Variants in PHACTR3 observed in about 807,000 individuals in gnomAD.
PHACTR3 encodes protein phosphatase 1, regulatory subunit 123.
In PHACTR3, 16 loss-of-function variants were observed where a neutral mutation model predicts 66.8. That is an observed-to-expected ratio of 0.24 (90% CI 0.16 to 0.36). PHACTR3 has a LOEUF of 0.36. PHACTR3 is among the 10% of genes least tolerant of loss of function. The pLI is 1.00. For synonymous variants in PHACTR3, 323 were observed against 292.1 expected, an observed-to-expected ratio of 1.11 and a Z score of -1.08; for missense variants, 647 against 719.9, an observed-to-expected ratio of 0.90 and a Z score of 1.16.
intron 1 of PHACTR3, among the ~76,000 whole-genome samples, chr20:59,731,467 C>T (rs1056961083): frequency 2.0e-5 from 3 of 152,172 alleles, no homozygotes; most frequent in African/African-American, 7.2e-5. Context: ...CCTTCCTCAT[C>T]CTCTTCATGT....
chr20:59,694,682 C>A (rs997813676), intron 1 of PHACTR3, among the ~76,000 whole-genome samples: 4 of 152,168 alleles, frequency 2.6e-5, no homozygotes, highest in Admixed American at 6.5e-5. Context: ...GTAATAGTAG[C>A]ACCTACCTGG....
At chr20:59,703,276 A>G (rs2037574333) in intron 1 of PHACTR3, among the ~76,000 whole-genome samples, 2 of 152,198 alleles carry the variant, frequency 1.3e-5, no homozygotes. Flanking sequence ...AGTCATTGGG[A>G]TCACTTGTTC....
intron 7 of PHACTR3, among the ~76,000 whole-genome samples, chr20:59,775,199 G>A (rs2040494182): frequency 6.6e-6 from 1 of 152,188 alleles, no homozygotes; most frequent in South Asian, 2.1e-4. Context: ...AGGAGGAAGT[G>A]CTGAGGGGGT....
chr20:59,580,315 C>T lies in PHACTR3; in HGVS notation c.109+2698C>T, dbSNP rs149135455. ...TGTGATGCCAGACCTCAAGAAGGTCCCTTTGACTTCATTCCTTTTGGAACC... is the reference window on the plus strand; with the variant it reads ...TGTGATGCCAGACCTCAAGAAGGTCTCTTTGACTTCATTCCTTTTGGAACC... On this transcript the variant is annotated intron_variant, in intron 1 of 12. Coordinates refer to the PHACTR3 transcript ENST00000359926. Among the ~76,000 whole-genome samples, 77 of 152,238 alleles carry T rather than the reference C, an allele frequency of 5.1e-4. No individual in the cohort carries two copies. In the East Asian group the frequency reaches 0.012, roughly 24 times the overall value.
chr20:59,761,618 G>A lies in PHACTR3; in HGVS notation c.542-5568G>A, dbSNP rs367817421. On this transcript the variant is annotated intron_variant, in intron 4 of 12. Coordinates refer to ENST00000371015, the MANE Select transcript of PHACTR3 (RefSeq NM_080672.5). ...GTTCCTACATAATATTCTTGATTTT[G>A]CCTCTTAGCCTGGAAAGACAAAAAT... Among the ~76,000 whole-genome samples, 12 of 152,282 alleles carry A rather than the reference G, an allele frequency of 7.9e-5. No homozygotes were observed. In the South Asian group the frequency reaches 2.5e-3, roughly 32 times the overall value.
At chr20:59,846,940 G>A (rs895878051) in intron 12 of PHACTR3, among the ~76,000 whole-genome samples, 175 bp from the exon 13 acceptor site, 6 of 152,132 alleles carry the variant, frequency 3.9e-5, no homozygotes, top group Non-Finnish European at 7.3e-5. Context: ...TGAGAGTGGG[G>A]AGCCCTCTGA....
intron 1 of PHACTR3, among the ~76,000 whole-genome samples, chr20:59,630,482 C>T (rs2146391076): frequency 6.6e-6 from 1 of 152,220 alleles, no homozygotes; most frequent in East Asian, 1.9e-4. Context: ...CGTTCCCAGC[C>T]TGTTTAATTT....
chr20:59,845,189 G>C lies in PHACTR3; in HGVS notation c.1588G>C (p.Ala530Pro). ...ACAATGTCTTGTTTTTAAATTTCAG[G>C]CAGCAATTCGTAAAGAATTAAATGA... is the stretch of plus-strand genomic sequence containing the variant. ...PWTRLSAADK[A>P]AIRKELNEYK... The change falls in exon 12 of 13, where the codon GCA becomes CCA. Residue 530 changes from alanine to proline, a missense_variant and splice_region_variant. By Grantham distance (27) the Ala-to-Pro change is conservative. Around this residue, in one of 2 missense-constraint regions of PHACTR3, gnomAD observed 70 missense variants for 148.8 expected, o/e 0.47. Transcript: ENST00000371015. 1 of 1,584,768 alleles carries C rather than the reference G, an allele frequency of 6.3e-7. No homozygotes were observed. Among genetic ancestry groups the C allele is most frequent in the Non-Finnish European group, 8.6e-7 (1 of 1,156,882 alleles).
intron 1 of PHACTR3, among the ~76,000 whole-genome samples, chr20:59,725,327 G>A (rs1364743420): frequency 2.0e-5 from 3 of 150,968 alleles, no homozygotes; most frequent in African/African-American, 7.3e-5. Context: ...GCTCAGGTGG[G>A]TGTGAGCCCA....
At chr20:59,709,795 G>C (rs952553614) in intron 1 of PHACTR3, among the ~76,000 whole-genome samples, 3 of 152,028 alleles carry the variant, frequency 2.0e-5, no homozygotes, top group Admixed American at 6.6e-5. Context: ...AGATGGTGCA[G>C]GTGGAACACT....
intron 1 of PHACTR3, among the ~76,000 whole-genome samples, chr20:59,717,601 G>T (rs1005795916): frequency 6.6e-6 from 1 of 152,190 alleles, no homozygotes; most frequent in African/African-American, 2.4e-5. Context: ...GCATGCTCAG[G>T]GGTGGAGCTG....
At chr20:59,756,617 C>G (rs1220499328) in intron 4 of PHACTR3, among the ~76,000 whole-genome samples, 3 of 151,950 alleles carry the variant, frequency 2.0e-5, no homozygotes, top group African/African-American at 7.3e-5. Context: ...GCAGAGGCCC[C>G]CTCCACACAC....
At chr20:59,632,391 A>G (rs560423494) in intron 1 of PHACTR3, among the ~76,000 whole-genome samples, 6 of 152,116 alleles carry the variant, frequency 3.9e-5, no homozygotes, top group Admixed American at 6.5e-5. Flanking sequence ...GGCTTCACGA[A>G]TGAGAATCTG....
intron 1 of PHACTR3, among the ~76,000 whole-genome samples, chr20:59,665,685 A>G (rs931357137): frequency 6.6e-6 from 1 of 152,020 alleles, no homozygotes; most frequent in East Asian, 1.9e-4. Context: ...CAACACTTGG[A>G]GAAGCCTGCA....
intron 1 of PHACTR3, among the ~76,000 whole-genome samples, chr20:59,693,859 G>A (rs2037196826): frequency 6.6e-6 from 1 of 152,168 alleles, no homozygotes; most frequent in Non-Finnish European, 1.5e-5. Flanking sequence ...CAGGCAAGAG[G>A]GAAATGTACA....
At chr20:59,757,501 AAC>A (rs1268039264) in intron 4 of PHACTR3, among the ~76,000 whole-genome samples, 2 of 148,664 alleles carry the variant, frequency 1.3e-5, no homozygotes, top group African/African-American at 4.9e-5. Context: ...AGGGGACAGG[AAC>A]ACACACGTTT....
Position 59,580,701 on chromosome 20 carries a change from G to C in PHACTR3, c.109+3084G>C, listed in dbSNP as rs543628942. ...AAGACAGTTTGAAATTTAATGCCTT[G>C]TTTCCTGGCTCAGCTCAGAGTCGGG... is the stretch of plus-strand genomic sequence containing the variant. On this transcript the variant is annotated intron_variant, in intron 1 of 12. Transcript: ENST00000359926. Among the ~76,000 whole-genome samples the C allele has an allele frequency of 6.9e-4, 105 of 152,150 alleles. 2 individuals carry two copies. Among genetic ancestry groups the C allele is most frequent in the Admixed American group, 2.3e-3 (35 of 15,286 alleles).
intron 1 of PHACTR3, among the ~76,000 whole-genome samples, chr20:59,594,178 T>A (rs1483878411): frequency 6.6e-6 from 1 of 152,204 alleles, no homozygotes. Context: ...TTTCCTCAAA[T>A]CTTATACATA....
intron 1 of PHACTR3, 104 bp downstream of exon 1, chr20:59,605,236 G>A (rs930641351): frequency 1.2e-6 from 1 of 806,480 alleles, no homozygotes; most frequent in Non-Finnish European, 1.7e-6. Context: ...CATTCGGGGA[G>A]CCGCGGCAGG....
Sources: gnomAD v4.1 joint callset for allele counts (sites outside exome capture counted in the v4.1 genomes callset) on GRCh38, gnomAD v4.1.1 for gene constraint, gnomAD v4.1.1 regional missense constraint, MANE v1.5 for transcripts, NCBI Gene and HGNC (gene_info 2026-07-23, HGNC 2026-07-21) for gene names.